The following AFF3 variants were observed in gnomAD, a reference collection of about 807,000 sequenced individuals.
AFF3 encodes ALF transcription elongation factor 3, also known as AF4/FMR2 family member 3.
A neutral mutation model predicts 129.7 loss-of-function variants in AFF3; 32 were observed. The observed-to-expected ratio is 0.25, with a 90% CI of 0.19 to 0.33. The LOEUF is 0.33. Among genes scored for constraint, AFF3 ranks in the 10% least tolerant of loss-of-function variants. AFF3 has a pLI of 1.00. For synonymous variants in AFF3, 644 were observed against 635.4 expected, an observed-to-expected ratio of 1.01 and a Z score of -0.20; for missense variants, 1,373 against 1,592.0, an observed-to-expected ratio of 0.86 and a Z score of 2.34.
chr2:100,093,994 C>T (rs1186673221), intron 4 of AFF3, among the ~76,000 whole-genome samples: 1,170 of 137,988 alleles, frequency 8.5e-3, no homozygotes, highest in African/African-American at 0.024. Flanking sequence ...TGTGGTCTTC[C>T]CATTTCTGAT....
intron 4 of AFF3, among the ~76,000 whole-genome samples, chr2:100,050,858 TG>T (rs1415385532): frequency 2.6e-5 from 4 of 152,174 alleles, no homozygotes; most frequent in Non-Finnish European, 5.9e-5. Flanking sequence ...CAACCTCTTC[TG>T]GGGATGCTGC....
intron 13 of AFF3, among the ~76,000 whole-genome samples, chr2:99,618,089 G>T (rs574268453): frequency 6.6e-6 from 1 of 152,060 alleles, no homozygotes; most frequent in South Asian, 2.1e-4. Flanking sequence ...GCCTCTGCTC[G>T]CTGGCTATAT....
At chr2:99,696,555 T>G (rs1213870166) in intron 11 of AFF3, among the ~76,000 whole-genome samples, 1 of 152,258 alleles carries the variant, frequency 6.6e-6, no homozygotes, top group Non-Finnish European at 1.5e-5. Context: ...TTCTTCCTTC[T>G]GTATTAGACA....
At chr2:99,849,732 A>G (rs1476952528) in intron 7 of AFF3, among the ~76,000 whole-genome samples, 1 of 152,250 alleles carries the variant, frequency 6.6e-6, no homozygotes, top group Non-Finnish European at 1.5e-5. Flanking sequence ...CACAAGAACC[A>G]GATGATGTTA....
intron 8 of AFF3, 97 bp from the exon 9 acceptor site, chr2:99,752,398 A>C: frequency 1.1e-6 from 1 of 926,072 alleles, no homozygotes; most frequent in Non-Finnish European, 1.7e-6. Flanking sequence ...TTCATAAGGC[A>C]GGGAAGGGTT....
chr2:99,904,813 G>A (rs1239436107), intron 7 of AFF3, among the ~76,000 whole-genome samples: 1 of 152,094 alleles, frequency 6.6e-6, no homozygotes, highest in Non-Finnish European at 1.5e-5. Flanking sequence ...GATTCTCTCT[G>A]CAAAACTAAC....
At chr2:99,924,856 C>G (rs1372941768) in intron 7 of AFF3, among the ~76,000 whole-genome samples, 1 of 151,634 alleles carries the variant, frequency 6.6e-6, no homozygotes, top group Non-Finnish European at 1.5e-5. Context: ...TGTGTCCATA[C>G]ACACCAAAAA....
At chr2:99,881,381 C>A (rs7590354) in intron 7 of AFF3, among the ~76,000 whole-genome samples, 1 of 147,426 alleles carries the variant, frequency 6.8e-6, no homozygotes. Context: ...ATAGCAAAGA[C>A]GGATTCATTT....
At chr2:99,609,179 T>C (rs1271968612) in intron 13 of AFF3, among the ~76,000 whole-genome samples, 2 of 152,120 alleles carry the variant, frequency 1.3e-5, no homozygotes, top group Non-Finnish European at 2.9e-5. Context: ...CCAAACACCA[T>C]TTTGTATTTT....
chr2:99,585,996 T>C (rs1342295698), intron 16 of AFF3, among the ~76,000 whole-genome samples: 5 of 152,232 alleles, frequency 3.3e-5, no homozygotes, highest in Non-Finnish European at 7.3e-5. Context: ...CCCAAAGTGC[T>C]GGGATTACAG....
In AFF3 at chr2:99,935,354, T is replaced by A. The variant is rs371952720; in HGVS notation, c.873+71278A>T. 3.3e-4 allele frequency among the ~76,000 whole-genome samples: 51 copies of A among 152,392 alleles called. 1 individual carries two copies. Among genetic ancestry groups the A allele is most frequent in the African/African-American group, 1.2e-3 (49 of 41,594 alleles). On this transcript the variant is annotated intron_variant, in intron 7 of 24. Transcript: ENST00000672756. Reference sequence around the variant, plus strand: ...TCTTACTGTGCTTAGCCAAACAATTTACCTATAGTCATTATTCTCATTCAG... The same window carrying A: ...TCTTACTGTGCTTAGCCAAACAATTAACCTATAGTCATTATTCTCATTCAG...
intron 4 of AFF3, among the ~76,000 whole-genome samples, chr2:100,019,978 C>T (rs1220288312): frequency 2.0e-5 from 3 of 152,188 alleles, no homozygotes; most frequent in Non-Finnish European, 2.9e-5. Context: ...CTGGTCAAGG[C>T]CTCTCTGTAT....
At chr2:99,721,007 T>C (rs928632573) in intron 11 of AFF3, among the ~76,000 whole-genome samples, 3 of 152,214 alleles carry the variant, frequency 2.0e-5, no homozygotes, top group Non-Finnish European at 4.4e-5. Flanking sequence ...AAAATAATAT[T>C]TTGATTCTTA....
intron 4 of AFF3, among the ~76,000 whole-genome samples, chr2:100,041,549 A>T (rs925986921): frequency 6.6e-6 from 1 of 152,098 alleles, no homozygotes; most frequent in East Asian, 1.9e-4. Context: ...TAAATTTCAC[A>T]GTTTCCTAGT....
intron 2 of AFF3, among the ~76,000 whole-genome samples, chr2:100,122,688 CT>C (rs1018423141): frequency 2.0e-5 from 3 of 152,132 alleles, no homozygotes; most frequent in Non-Finnish European, 4.4e-5. Context: ...AGCAAAATGG[CT>C]GTTTGATAAA....
At position 99,650,225 on chromosome 2, in the gene AFF3, A is replaced by G. The variant is rs903205497; in HGVS notation, c.1144-559T>C. ...TTTTAAAATTCACATTGAAATGTTA[A>G]TGGATACAATTATCTGCTGTTGGGA... On this transcript the variant is annotated intron_variant, in intron 12 of 24. Coordinates refer to ENST00000672756, the MANE Select transcript of AFF3 (RefSeq NM_001386135.1). Among the ~76,000 whole-genome samples, 3 of 152,310 alleles carry G rather than the reference A, an allele frequency of 2.0e-5. No individual in the cohort carries two copies. The East Asian group carries it at 5.8e-4, about 29-fold the overall frequency.
At chr2:100,058,293 T>C (rs543679609) in intron 4 of AFF3, among the ~76,000 whole-genome samples, 1 of 152,348 alleles carries the variant, frequency 6.6e-6, no homozygotes, top group Non-Finnish European at 1.5e-5. Context: ...ACGGGTCTTC[T>C]GCACTCTAAG....
At chr2:99,663,721 C>T (rs1238687000) in intron 12 of AFF3, among the ~76,000 whole-genome samples, 2 of 152,194 alleles carry the variant, frequency 1.3e-5, no homozygotes, top group African/African-American at 4.8e-5. Context: ...AATAAAAAGA[C>T]TGCCCAATAT....
chr2:99,712,986 G>A (rs1159755125), intron 11 of AFF3, among the ~76,000 whole-genome samples: 1 of 152,164 alleles, frequency 6.6e-6, no homozygotes, highest in Non-Finnish European at 1.5e-5. Context: ...AGCCAGACAC[G>A]CAAGGACAAA....
Sources: allele counts gnomAD v4.1 joint callset (sites outside exome capture counted in the v4.1 genomes callset), GRCh38; gene constraint gnomAD v4.1.1; transcripts MANE v1.5; gene names NCBI Gene and HGNC (gene_info 2026-07-23, HGNC 2026-07-21).